DHRSX: variants seen among roughly 807,000 people sequenced by gnomAD.
DHRSX encodes the protein dehydrogenase/reductase X-linked, also known as polyprenol dehydrogenase.
A neutral mutation model predicts 34.0 loss-of-function variants in DHRSX; 31 were observed. That is an observed-to-expected ratio of 0.91 (90% confidence interval 0.69 to 1.23). DHRSX has a LOEUF of 1.23. Ranked by LOEUF, DHRSX falls within the 50% of genes most tolerant of loss-of-function variation. DHRSX has a pLI of 0.00. For missense variants in DHRSX, 414 were observed against 428.1 expected (o/e 0.97, Z 0.29); for synonymous variants, 201 against 183.8 (o/e 1.09, Z -0.76).
At chrX:2,457,085 G>C (rs192788519) in intron 1 of DHRSX, among the ~76,000 whole-genome samples, 4,332 of 152,192 alleles carry the variant, frequency 0.028, 96 homozygotes, top group Admixed American at 0.054. Flanking sequence ...CCACATGATA[G>C]AGACACCCAA....
chrX:2,481,067 T>C (rs2044762214), intron 1 of DHRSX, among the ~76,000 whole-genome samples: 1 of 152,188 alleles, frequency 6.6e-6, no homozygotes, highest in African/African-American at 2.4e-5. Flanking sequence ...AATGTGTTAA[T>C]TAGCTTGATT....
intron 1 of DHRSX, among the ~76,000 whole-genome samples, chrX:2,429,905 G>C (rs2124655176): frequency 6.6e-6 from 1 of 152,198 alleles, no homozygotes; most frequent in African/African-American, 2.4e-5. Flanking sequence ...TCCAAGAAGA[G>C]AATTCAGGAA....
chrX:2,293,684 G>C (rs1442341036), intron 3 of DHRSX, among the ~76,000 whole-genome samples: 1 of 152,150 alleles, frequency 6.6e-6, no homozygotes, highest in Non-Finnish European at 1.5e-5. Context: ...TTGATCTGCA[G>C]GGCTGCTGGT....
chrX:2,472,104 C>T (rs1569504822), intron 1 of DHRSX, among the ~76,000 whole-genome samples: 1 of 148,678 alleles, frequency 6.7e-6, no homozygotes, highest in Non-Finnish European at 1.5e-5. Context: ...GAGATCACAC[C>T]ATTGCACTCC....
chrX:2,307,248 A>G (rs949107196), intron 3 of DHRSX, among the ~76,000 whole-genome samples: 10 of 152,150 alleles, frequency 6.6e-5, no homozygotes, highest in African/African-American at 2.4e-4. Flanking sequence ...AATTATACAT[A>G]GGAGCTAAAC....
intron 1 of DHRSX, among the ~76,000 whole-genome samples, chrX:2,491,413 A>T (rs2045142186): frequency 6.6e-6 from 1 of 152,150 alleles, no homozygotes; most frequent in Admixed American, 6.6e-5. Context: ...TTCCTGTCCT[A>T]AGAGTTTCCC....
At chrX:2,439,693 C>A (rs2044039871) in intron 1 of DHRSX, among the ~76,000 whole-genome samples, 2 of 152,176 alleles carry the variant, frequency 1.3e-5, no homozygotes, top group Non-Finnish European at 2.9e-5. Flanking sequence ...AGTGACAGAT[C>A]ATCAGGCATT....
chrX:2,400,407 C>G (rs1197622648), intron 3 of DHRSX, among the ~76,000 whole-genome samples: 2 of 152,192 alleles, frequency 1.3e-5, no homozygotes, highest in African/African-American at 4.8e-5. Flanking sequence ...ATATGTCTGC[C>G]TCCTGACTTG....
At chrX:2,419,712 G>T (rs1275497591) in intron 2 of DHRSX, among the ~76,000 whole-genome samples, 1 of 149,274 alleles carries the variant, frequency 6.7e-6, no homozygotes, top group Middle Eastern at 3.5e-3. Flanking sequence ...GCAAACTATC[G>T]CAAGGACAAA....
intron 1 of DHRSX, among the ~76,000 whole-genome samples, chrX:2,491,436 C>T (rs1391823126): frequency 2.6e-5 from 4 of 152,132 alleles, no homozygotes; most frequent in Non-Finnish European, 4.4e-5. Flanking sequence ...GCACCTGCCA[C>T]GTGGGAAAGC....
intron 3 of DHRSX, among the ~76,000 whole-genome samples, chrX:2,311,804 T>C (rs998837084): frequency 3.2e-4 from 49 of 152,106 alleles, no homozygotes; most frequent in African/African-American, 1.2e-3. Flanking sequence ...TCAGGGTAGC[T>C]TGGATGAGCA....
At chrX:2,450,675 C>G (rs571841096) in intron 1 of DHRSX, among the ~76,000 whole-genome samples, 1 of 151,694 alleles carries the variant, frequency 6.6e-6, no homozygotes, top group African/African-American at 2.4e-5. Flanking sequence ...CTAACATTCA[C>G]CTTCAAAGCA....
intron 2 of DHRSX, among the ~76,000 whole-genome samples, chrX:2,419,958 T>C (rs976977879): frequency 1.3e-5 from 2 of 151,936 alleles, no homozygotes; most frequent in African/African-American, 4.8e-5. Context: ...CCCTAAAACT[T>C]AAAGTATAAT....
At position 2,392,201 on chromosome X, in the gene DHRSX, C is replaced by T. The variant is rs978250711; in HGVS notation, c.286+16544G>A. 6.2e-4 allele frequency among the ~76,000 whole-genome samples: 94 copies of T among 152,142 alleles called. 1 individual carries two copies. Among genetic ancestry groups the T allele is most frequent in the African/African-American group, 2.2e-4 (9 of 41,412 alleles). On this transcript the variant is annotated intron_variant, in intron 3 of 6. Coordinates refer to ENST00000334651, the MANE Select transcript of DHRSX (RefSeq NM_145177.3). ...TGGGTATGACGGTCAGGGAGGGTGA[C>T]GCTACCCTCAAGCCCAGCCCTTCAC... is the stretch of plus-strand genomic sequence containing the variant.
At chrX:2,320,710 C>G (rs138800383) in intron 3 of DHRSX, among the ~76,000 whole-genome samples, 4 of 150,834 alleles carry the variant, frequency 2.7e-5, no homozygotes, top group African/African-American at 9.7e-5. Context: ...TTGACGTTTT[C>G]AAGTGTACAG....
intron 1 of DHRSX, among the ~76,000 whole-genome samples, chrX:2,491,880 G>A (rs1391760996): frequency 1.3e-5 from 2 of 152,206 alleles, no homozygotes; most frequent in Non-Finnish European, 2.9e-5. Flanking sequence ...CAGGGTTCCT[G>A]TTGAGGTTGA....
intron 1 of DHRSX, among the ~76,000 whole-genome samples, chrX:2,463,213 G>C (rs911428313): frequency 6.6e-6 from 1 of 152,166 alleles, no homozygotes; most frequent in Non-Finnish European, 1.5e-5. Context: ...TACTCAGAGA[G>C]GCTGTGGCAG....
At chrX:2,314,449 AGAAGGGAGGAAGGAAGGGGAGAAG>A (rs1275728605) in intron 3 of DHRSX, among the ~76,000 whole-genome samples, 4 of 65,768 alleles carry the variant, frequency 6.1e-5, no homozygotes, top group African/African-American at 3.8e-4. Context: ...AAGGAAGGGG[AGAAGGGAGGAAGGAAGGGGAGAAG>A]GAAGGAAGGA....
intron 6 of DHRSX, among the ~76,000 whole-genome samples, 189 bp from the exon 7 acceptor site, chrX:2,221,418 A>C (rs771042254): frequency 6.6e-6 from 1 of 152,262 alleles, no homozygotes; most frequent in South Asian, 2.1e-4. Flanking sequence ...GTTTCTTTAC[A>C]ACAGGCACTG....
Sources: allele counts gnomAD v4.1 joint callset (sites outside exome capture counted in the v4.1 genomes callset), GRCh38; gene constraint gnomAD v4.1.1; transcripts MANE v1.5; gene names NCBI Gene and HGNC (gene_info 2026-07-23, HGNC 2026-07-21).